RELT: variants seen among roughly 807,000 people sequenced by gnomAD.
RELT encodes the protein tumor necrosis factor receptor superfamily member 19L.
A neutral mutation model predicts 51.1 loss-of-function variants in RELT; 37 were observed. The observed-to-expected ratio is 0.72, with a 90% CI of 0.56 to 0.95. RELT has a LOEUF of 0.95. Among genes scored for constraint, RELT ranks in the 40% least tolerant of loss-of-function variants. The pLI is 0.00. For synonymous variants in RELT, 241 were observed against 235.7 expected, an observed-to-expected ratio of 1.02 and a Z score of -0.21; for missense variants, 535 against 572.6, an observed-to-expected ratio of 0.93 and a Z score of 0.67.
rs144807586 is a variant in RELT, at chr11:73,394,631, G to A, written c.943G>A (p.Ala315Thr). 1,557 of 1,613,666 alleles carry A rather than the reference G, an allele frequency of 9.6e-4. 6 individuals carry two copies. The highest frequency in any genetic ancestry group is 7.6e-4 in the Non-Finnish European group (892 of 1,180,024). The part of the protein sequence containing the change: ...EVLLSPEAVA[A>T]TTPVPSLLPN... ...GCTGCTGTCCCCTGAGGCTGTAGCC[G>A]CCACTACTCCTGTTCCCAGCCTTCT... The change falls in exon 9 of 11, where the codon GCC becomes ACC. Residue 315 changes from alanine (A) to threonine (T), a missense_variant. Transcript: ENST00000064780. The surrounding 1 kb of genome is among the most constrained non-coding windows in gnomAD (Gnocchi z 4.9).
rs538837867 is a variant in RELT at position 73,393,412 on chromosome 11, A to G, written c.626-425A>G. On this transcript the variant is annotated intron_variant, in intron 6 of 10. Coordinates refer to ENST00000064780, the MANE Select transcript of RELT (RefSeq NM_152222.2). ...CAAAGCTGACTAGGGGCACTCAGTT[A>G]AATTGTTACATAGGGCACAGTAGAG... 36 of 1,166,846 alleles carry G rather than the reference A, an allele frequency of 3.1e-5. No individual in the cohort carries two copies. In the East Asian group the frequency reaches 2.0e-3, roughly 66 times the overall value. The allele number at this position is 1,166,846 out of a possible 1,614,324, so 72.3% of individuals were successfully genotyped here.
At position 73,380,670 on chromosome 11, in the gene RELT, G is replaced by T. The variant is rs575310107; in HGVS notation, c.-26+4171G>T. Among the ~76,000 whole-genome samples the T allele has an allele frequency of 1.6e-4, 24 of 152,348 alleles. No individual in the cohort carries two copies. The East Asian group carries it at 4.4e-3, about 28-fold the overall frequency. ...GACAATTCTAACATTAGTTTCTCAAGAAGGGCCAGGCTGGTCAGCACCCAG... is the reference window on the plus strand; with the variant it reads ...GACAATTCTAACATTAGTTTCTCAATAAGGGCCAGGCTGGTCAGCACCCAG... On this transcript the variant is annotated intron_variant, in intron 1 of 10. Coordinates refer to ENST00000064780, the MANE Select transcript of RELT (RefSeq NM_152222.2).
chr11:73,393,504 T>TTGAGGCTGAGGAGGAGACAGTGCAGACCC, intron 6 of RELT: 1 of 1,250,990 alleles, frequency 8.0e-7, no homozygotes, highest in Non-Finnish European at 1.0e-6. Flanking sequence ...CCACAGCTCC[T>TTGAGGCTGAGGAGGAGACAGTGCAGACCC]TGAGGCTGAG....
At position 73,390,628 on chromosome 11, in the gene RELT, G is replaced by A; in HGVS notation, c.120+3G>A. On this transcript the variant is annotated splice_donor_region_variant and intron_variant, in intron 3 of 10. Transcript: ENST00000064780. Reference sequence around the variant, plus strand: ...CACCTGGGGAGGAGCCCGACCTGGTGAGCATTGCCCTGCTCTCCTGCCTGT... The same window carrying A: ...CACCTGGGGAGGAGCCCGACCTGGTAAGCATTGCCCTGCTCTCCTGCCTGT... The A allele has an allele frequency of 1.9e-6, 3 of 1,613,782 alleles. No individual in the cohort carries two copies. The highest frequency in any genetic ancestry group is 1.1e-5 in the South Asian group (1 of 91,082).
At chr11:73,393,346 T>C in intron 6 of RELT, 1 of 1,121,226 alleles carries the variant, frequency 8.9e-7, no homozygotes, top group Non-Finnish European at 1.1e-6. Context: ...GGCCCAGGGC[T>C]GATCATCGTG....
At position 73,379,250 on chromosome 11, in the gene RELT, G is replaced by C. The variant is rs141954440; in HGVS notation, c.-26+2751G>C. ...GAGGTGGAAATAGCTTAGGGCCTGGGAGGGGGAGCAAGAGGAGAAGGGTTA... is the reference window on the plus strand; with the variant it reads ...GAGGTGGAAATAGCTTAGGGCCTGGCAGGGGGAGCAAGAGGAGAAGGGTTA... On this transcript the variant is annotated intron_variant, in intron 1 of 10. Coordinates refer to ENST00000064780, the MANE Select transcript of RELT (RefSeq NM_152222.2). Among the ~76,000 whole-genome samples, 62 of 152,328 alleles carry C rather than the reference G, an allele frequency of 4.1e-4. No individual in the cohort carries two copies. In the Middle Eastern group the frequency reaches 0.01, roughly 25 times the overall value.
chr11:73,382,816 G>T (rs531349872), intron 1 of RELT, among the ~76,000 whole-genome samples: 1 of 152,286 alleles, frequency 6.6e-6, no homozygotes, highest in East Asian at 1.9e-4. Context: ...CTCTCTGCCC[G>T]AGATAACTGT....
At chr11:73,390,484 G>A (rs1017627576) in intron 2 of RELT, 67 bp from the exon 3 acceptor site, 7 of 1,431,892 alleles carry the variant, frequency 4.9e-6, no homozygotes, top group African/African-American at 4.2e-5. Context: ...ATAGGTGGGG[G>A]ATAGATGACC....
intron 1 of RELT, among the ~76,000 whole-genome samples, chr11:73,379,051 C>T (rs893147725): frequency 2.0e-5 from 3 of 152,166 alleles, no homozygotes; most frequent in Non-Finnish European, 4.4e-5. Flanking sequence ...CTGTTCTTCC[C>T]AGAGACCCCT....
chr11:73,385,328 G>C (rs1479028056), intron 1 of RELT, among the ~76,000 whole-genome samples: 2 of 152,178 alleles, frequency 1.3e-5, no homozygotes, highest in African/African-American at 4.8e-5. Flanking sequence ...CTCTTTCTCT[G>C]AGGCCTCCAG....
chr11:73,388,773 C>G lies in RELT; in HGVS notation c.-25-339C>G, dbSNP rs759551324. ...CAACCCTGTCATCACGGACACAGGCCGCCACACGCGCTTCCTTCCCCTGCT... is the reference window on the plus strand; with the variant it reads ...CAACCCTGTCATCACGGACACAGGCGGCCACACGCGCTTCCTTCCCCTGCT... On this transcript the variant is annotated intron_variant, in intron 1 of 10. Transcript: ENST00000064780. This position sits in a 1 kb window ranked among gnomAD's most constrained non-coding sequence, Gnocchi z 4.1. Among the ~76,000 whole-genome samples the G allele has an allele frequency of 6.6e-6, 1 of 152,168 alleles. No homozygotes were observed. Among genetic ancestry groups the G allele is most frequent in the Non-Finnish European group, 1.5e-5 (1 of 68,024 alleles).
At position 73,394,924 on chromosome 11, in the gene RELT, G is replaced by C. The variant is rs1866287015; in HGVS notation, c.1047-163G>C. The C allele has an allele frequency of 1.1e-6, 1 of 886,384 alleles. No individual in the cohort carries two copies. The highest frequency in any genetic ancestry group is 1.6e-5 in the South Asian group (1 of 60,724). 54.9% of individuals were successfully genotyped at this position (886,384 alleles called of 1,614,324 possible). A position where few individuals can be genotyped will look rare whatever the true frequency, so the allele number is the denominator to read the frequency against. ...TTCCGGTTATGTTGTGTCTCACATGGAGCCCTTGCATCCCTAGGGCAGCAT... is the reference window on the plus strand; with the variant it reads ...TTCCGGTTATGTTGTGTCTCACATGCAGCCCTTGCATCCCTAGGGCAGCAT... On this transcript the variant is annotated intron_variant, in intron 9 of 10. Transcript: ENST00000064780. This position sits in a 1 kb window ranked among gnomAD's most constrained non-coding sequence, Gnocchi z 4.9.
intron 1 of RELT, among the ~76,000 whole-genome samples, chr11:73,381,556 A>G (rs1012977068): frequency 5.3e-5 from 8 of 152,120 alleles, no homozygotes; most frequent in African/African-American, 1.9e-4. Flanking sequence ...GGCCCTCTTG[A>G]CAGGGAGGCT....
rs761383470 is a variant in RELT, at chr11:73,393,853, C to A, written c.642C>A (p.Tyr214Ter). 8.1e-6 allele frequency: 13 copies of A among 1,614,058 alleles called. No individual in the cohort carries two copies. Among genetic ancestry groups the A allele is most frequent in the Non-Finnish European group, 1.0e-5 (12 of 1,179,956 alleles). The change falls in exon 7 of 11, where the codon TAC (tyrosine) becomes TAA (stop). Residue 214 changes from tyrosine (Y) to a stop codon, truncating the protein, a stop_gained. Coordinates refer to ENST00000064780, the MANE Select transcript of RELT (RefSeq NM_152222.2). LOFTEE classifies it high-confidence loss of function. ...CTTCCCCAGGAATCAACCCTGCCTA[C>A]CGGACTGAGGATGCCAATGAGGACA... ...GGGGSGINPA[Y>*]RTEDANEDTI...
At position 73,397,322 on chromosome 11, in the gene RELT, C is replaced by T. The variant is rs1385532020; in HGVS notation, c.*1831C>T. Reference sequence around the variant, plus strand: ...TTGGCCAGTGTGGAGAGGAAAGGAGCCACAGGAGCGGGTGCTACACCCGGC... The same window carrying T: ...TTGGCCAGTGTGGAGAGGAAAGGAGTCACAGGAGCGGGTGCTACACCCGGC... On this transcript the variant is annotated 3_prime_UTR_variant, in exon 11 of 11. Coordinates refer to ENST00000064780, the MANE Select transcript of RELT (RefSeq NM_152222.2). The T allele has an allele frequency of 6.6e-6, 1 of 152,204 alleles. No individual in the cohort carries two copies. Among genetic ancestry groups the T allele is most frequent in the African/African-American group, 2.4e-5 (1 of 41,440 alleles). The allele number at this position is 152,204 out of a possible 1,614,324, so 9.4% of individuals were successfully genotyped here.
chr11:73,384,782 C>T (rs941904318), intron 1 of RELT, among the ~76,000 whole-genome samples: 6 of 152,126 alleles, frequency 3.9e-5, no homozygotes, highest in Non-Finnish European at 8.8e-5. Flanking sequence ...CCGCCCAGGT[C>T]GGCACTGGGC....
At chr11:73,393,979 G>C (rs1356617937) in intron 7 of RELT, 62 bp downstream of exon 7, 2 of 1,508,582 alleles carry the variant, frequency 1.3e-6, no homozygotes, top group African/African-American at 2.7e-5. Context: ...CCAGGAGCCT[G>C]TGAGGCAGCC....
chr11:73,394,794 G>T lies in RELT; in HGVS notation c.1046+60G>T, dbSNP rs1416827574. The T allele has an allele frequency of 9.6e-6, 15 of 1,561,866 alleles. No homozygotes were observed. The highest frequency in any genetic ancestry group is 5.2e-5 in the Admixed American group (3 of 57,166). ...AGACGTGACAGCCTGGGGGCCGGGA[G>T]GGGGAGGCAGGGCCCCAGCTTGGGC... is the stretch of plus-strand genomic sequence containing the variant. On this transcript the variant is annotated intron_variant, in intron 9 of 10. Transcript: ENST00000064780. This position sits in a 1 kb window ranked among gnomAD's most constrained non-coding sequence, Gnocchi z 4.9.
chr11:73,391,025 T>C (rs1866205592), intron 4 of RELT, 104 bp downstream of exon 4: 1 of 1,526,118 alleles, frequency 6.6e-7, no homozygotes, highest in Admixed American at 1.9e-5. Context: ...ATTCTTCCCA[T>C]CTGTGAAATG....
Sources: gnomAD v4.1 joint callset for allele counts (sites outside exome capture counted in the v4.1 genomes callset) on GRCh38, gnomAD v4.1.1 for gene constraint, Gnocchi (gnomAD v3.1) non-coding constraint, MANE v1.5 for transcripts, NCBI Gene and HGNC (gene_info 2026-07-23, HGNC 2026-07-21) for gene names.